ZC3HAV1: variants seen among roughly 807,000 people sequenced by gnomAD.
ZC3HAV1 encodes zinc finger CCCH-type containing, antiviral 1.
Under a neutral mutation model 86.6 loss-of-function variants are expected in ZC3HAV1, and 41 were observed. The ratio of observed to expected loss-of-function variants is 0.47; its 90% confidence interval spans 0.37 to 0.61. ZC3HAV1 has a LOEUF of 0.61. Ranked by LOEUF, ZC3HAV1 falls within the 20% of genes least tolerant of loss-of-function variation. ZC3HAV1 has a pLI of 0.00. For missense variants in ZC3HAV1, 964 were observed against 1,141.1 expected, an observed-to-expected ratio of 0.84 and a Z score of 2.24; for synonymous variants, 421 against 432.1, an observed-to-expected ratio of 0.97 and a Z score of 0.32.
intron 1 of ZC3HAV1, among the ~76,000 whole-genome samples, chr7:139,092,869 TGTCTC>T (rs1039991550): frequency 6.6e-6 from 1 of 152,166 alleles, no homozygotes; most frequent in African/African-American, 2.4e-5. Flanking sequence ...GCAACATCTC[TGTCTC>T]GTCTTGGTCT....
chr7:139,087,103 A>G (rs1055183619), intron 2 of ZC3HAV1, among the ~76,000 whole-genome samples: 1 of 152,176 alleles, frequency 6.6e-6, no homozygotes, highest in Non-Finnish European at 1.5e-5. Context: ...GGCCTTTCTA[A>G]GCCTCCGGGT....
In ZC3HAV1 at chr7:139,108,466, G is replaced by T. The variant is rs1202842963; in HGVS notation, c.308+558C>A. On this transcript the variant is annotated intron_variant, in intron 1 of 12. Coordinates refer to ENST00000242351, the MANE Select transcript of ZC3HAV1 (RefSeq NM_020119.4). This position sits in a 1 kb window ranked among gnomAD's most constrained non-coding sequence, Gnocchi z 4.2. The stretch of plus-strand genomic sequence containing the variant: ...TGGAAAAGGGCCACCCCTGCTACGC[G>T]CCAGGCATCAGAAAAGCGGTGATGA... Among the ~76,000 whole-genome samples, 1 of 152,050 alleles carries T rather than the reference G, an allele frequency of 6.6e-6. No homozygotes were observed. Among genetic ancestry groups the T allele is most frequent in the Non-Finnish European group, 1.5e-5 (1 of 68,020 alleles).
In ZC3HAV1 at chr7:139,080,002, G is replaced by A; in HGVS notation, c.939C>T (p.Ser313=). ...QDRARPPSGS[S]KATDLGGTSQ... Reference sequence around the variant, plus strand: ...TTGTTCCTCCAAGATCAGTAGCCTTGGACGAGCCTGAGGGAGGCCGAGCGC... The same window carrying A: ...TTGTTCCTCCAAGATCAGTAGCCTTAGACGAGCCTGAGGGAGGCCGAGCGC... Residue 313 remains serine, a synonymous_variant, in exon 4 of 13, where the codon TCC becomes TCT. Coordinates refer to ENST00000242351, the MANE Select transcript of ZC3HAV1 (RefSeq NM_020119.4). 1 of 1,614,140 alleles carries A rather than the reference G, an allele frequency of 6.2e-7. No individual in the cohort carries two copies. Among genetic ancestry groups the A allele is most frequent in the Non-Finnish European group, 8.5e-7 (1 of 1,180,026 alleles).
chr7:139,095,974 G>T (rs529082569), intron 1 of ZC3HAV1, among the ~76,000 whole-genome samples: 4 of 152,070 alleles, frequency 2.6e-5, no homozygotes, highest in African/African-American at 7.2e-5. Flanking sequence ...AAGGAGAGTA[G>T]ATGGCCGCAG....
rs1020683728 is a variant in ZC3HAV1 at position 139,093,458 on chromosome 7, T to A, written c.309-3699A>T. Among the ~76,000 whole-genome samples, 11 of 152,188 alleles carry A rather than the reference T, an allele frequency of 7.2e-5. No homozygotes were observed. In the East Asian group the frequency reaches 1.9e-3, roughly 27 times the overall value. Reference sequence around the variant, plus strand: ...GCCCAAGCTAAGCCATCATATCCCCTGTGACCTGCACGTATACATCCAGAT... The same window carrying A: ...GCCCAAGCTAAGCCATCATATCCCCAGTGACCTGCACGTATACATCCAGAT... On this transcript the variant is annotated intron_variant, in intron 1 of 12. Transcript: ENST00000242351.
At chr7:139,058,297 TA>T (rs1163610851) in intron 9 of ZC3HAV1, among the ~76,000 whole-genome samples, 6 of 151,622 alleles carry the variant, frequency 4.0e-5, no homozygotes, top group Non-Finnish European at 8.8e-5. Flanking sequence ...TATTAAAAAA[TA>T]AAAAAATTAG....
At chr7:139,091,712 G>C (rs1232120941) in intron 1 of ZC3HAV1, among the ~76,000 whole-genome samples, 1 of 152,032 alleles carries the variant, frequency 6.6e-6, no homozygotes, top group Non-Finnish European at 1.5e-5. Flanking sequence ...GAACTCCTGG[G>C]CTCAAGCGAT....
At chr7:139,056,106 GAT>G (rs1475440421) in intron 9 of ZC3HAV1, among the ~76,000 whole-genome samples, 1 of 152,080 alleles carries the variant, frequency 6.6e-6, no homozygotes. Context: ...TAAATCTAAT[GAT>G]CAATTTATAG....
chr7:139,080,295 T>C, intron 3 of ZC3HAV1, 52 bp from the exon 4 acceptor site: 2 of 1,604,080 alleles, frequency 1.2e-6, no homozygotes, highest in Non-Finnish European at 1.7e-6. Context: ...TTGGAGTTAA[T>C]GTGACTGAGT....
chr7:139,087,909 G>A (rs562516907), intron 2 of ZC3HAV1, among the ~76,000 whole-genome samples: 5 of 151,744 alleles, frequency 3.3e-5, no homozygotes, highest in Middle Eastern at 6.8e-3. Flanking sequence ...GTGCATGCCT[G>A]TAGTCCCAGA....
At chr7:139,097,855 C>A (rs1817653383) in intron 1 of ZC3HAV1, among the ~76,000 whole-genome samples, 1 of 151,984 alleles carries the variant, frequency 6.6e-6, no homozygotes, top group South Asian at 2.1e-4. Flanking sequence ...ACAAGAGAAC[C>A]TTTAGGGCTG....
At chr7:139,052,772 A>AC (rs771427436) in intron 12 of ZC3HAV1, among the ~76,000 whole-genome samples, 2,998 of 145,272 alleles carry the variant, frequency 0.021, 41 homozygotes, top group Non-Finnish European at 0.033. Flanking sequence ...AAATACAACA[A>AC]AAAAAAATTA....
At chr7:139,104,721 CAAAAAAAA>C (rs1157897700) in intron 1 of ZC3HAV1, among the ~76,000 whole-genome samples, 12 of 19,260 alleles carry the variant, frequency 6.2e-4, no homozygotes, top group Non-Finnish European at 7.7e-4. Flanking sequence ...GACTCTGTCA[CAAAAAAAA>C]AAAAAAAAAA....
intron 8 of ZC3HAV1, 148 bp downstream of exon 8, chr7:139,064,731 G>T: frequency 1.5e-6 from 2 of 1,323,006 alleles, no homozygotes; most frequent in Non-Finnish European, 2.1e-6. Context: ...CAGGTCTTCT[G>T]ATGGCCACTA....
intron 3 of ZC3HAV1, among the ~76,000 whole-genome samples, chr7:139,082,449 A>G (rs1817152877): frequency 6.6e-6 from 1 of 152,160 alleles, no homozygotes; most frequent in African/African-American, 2.4e-5. Flanking sequence ...CGTTCCTCCA[A>G]AAATTAAACA....
At chr7:139,079,362 T>G (rs1321819686) in intron 4 of ZC3HAV1, 108 bp downstream of exon 4, 2 of 1,595,806 alleles carry the variant, frequency 1.3e-6, no homozygotes, top group Admixed American at 1.7e-5. Flanking sequence ...CCAAAACCAG[T>G]GGCACCAGTT....
Position 139,108,929 on chromosome 7 carries a change from C to A in ZC3HAV1, c.308+95G>T, listed in dbSNP as rs968979944. ...GGCGGAGGCTGTCAGGTGCGGGGTC[C>A]CGGCGAAGCCGTGCCCCTCCCAGAA... On this transcript the variant is annotated intron_variant, in intron 1 of 12. Transcript: ENST00000242351. This position sits in a 1 kb window ranked among gnomAD's most constrained non-coding sequence, Gnocchi z 4.2. The A allele has an allele frequency of 2.1e-6, 3 of 1,418,766 alleles. No homozygotes were observed. Among genetic ancestry groups the A allele is most frequent in the Non-Finnish European group, 2.8e-6 (3 of 1,070,114 alleles). The allele number at this position is 1,418,766 out of a possible 1,614,324, so 87.9% of individuals were successfully genotyped here.
At chr7:139,060,596 T>C in intron 9 of ZC3HAV1, 1 of 1,022,592 alleles carries the variant, frequency 9.8e-7, no homozygotes, top group Non-Finnish European at 1.2e-6. Flanking sequence ...ATCCCAGCAC[T>C]TTGGGAGACT....
At chr7:139,065,819 G>A (rs930887739) in intron 7 of ZC3HAV1, among the ~76,000 whole-genome samples, 4 of 152,100 alleles carry the variant, frequency 2.6e-5, no homozygotes, top group Admixed American at 6.6e-5. Flanking sequence ...CAGGAGAATC[G>A]CTTAAACTCG....
Sources: allele counts gnomAD v4.1 joint callset (sites outside exome capture counted in the v4.1 genomes callset), GRCh38; gene constraint gnomAD v4.1.1; non-coding constraint Gnocchi (gnomAD v3.1); transcripts MANE v1.5; gene names NCBI Gene and HGNC (gene_info 2026-07-23, HGNC 2026-07-21).